NDUFAF6: variants seen among roughly 807,000 people sequenced by gnomAD.
NDUFAF6 encodes the protein NADH:ubiquinone oxidoreductase complex assembly factor 6, also known as NADH dehydrogenase (ubiquinone) complex I, assembly factor 6.
In NDUFAF6, 45 loss-of-function variants were observed where a neutral mutation model predicts 40.8. That is an observed-to-expected ratio of 1.10 (90% CI 0.87 to 1.42). NDUFAF6 has a LOEUF of 1.42. Ranked by LOEUF, NDUFAF6 falls within the 40% of genes most tolerant of loss-of-function variation. The probability of loss-of-function intolerance (pLI) is 0.00; values close to 1 mark genes in which losing one functional copy is unlikely to be tolerated. For missense variants in NDUFAF6, 435 were observed against 418.5 expected (o/e 1.04, Z -0.34); for synonymous variants, 185 against 155.9 (o/e 1.19, Z -1.39).
exon 3 of NDUFAF6, chr8:95,103,054 C>A (rs1316401951): frequency 6.6e-6 from 1 of 152,004 alleles, no homozygotes; most frequent in African/African-American, 2.4e-5. Context: ...TTTTGGTGAC[C>A]CCGATGCAAA....
At chr8:95,036,358 C>T (rs191338519) in intron 3 of NDUFAF6, 38 of 1,289,330 alleles carry the variant, frequency 2.9e-5, no homozygotes, top group Non-Finnish European at 5.1e-6. Flanking sequence ...GACAGTGGTA[C>T]ACCTCTTCTC....
intron 2 of NDUFAF6, among the ~76,000 whole-genome samples, chr8:95,007,916 G>T (rs982842915): frequency 1.3e-5 from 2 of 151,954 alleles, no homozygotes; most frequent in Non-Finnish European, 1.5e-5. Context: ...TAGAGACGGG[G>T]TCTCACTATG....
intron 1 of NDUFAF6, among the ~76,000 whole-genome samples, chr8:94,937,582 G>C (rs551451002): frequency 6.6e-6 from 1 of 152,254 alleles, no homozygotes; most frequent in East Asian, 1.9e-4. Flanking sequence ...TGCAATTCTA[G>C]CCAAGGGTTA....
intron 1 of NDUFAF6, among the ~76,000 whole-genome samples, chr8:94,906,978 TA>T (rs1340508961): frequency 6.6e-6 from 1 of 152,236 alleles, no homozygotes; most frequent in East Asian, 1.9e-4. Context: ...TGTTGGACAG[TA>T]AATGAAAATT....
chr8:95,018,433 C>T (rs1256103021), intron 2 of NDUFAF6, among the ~76,000 whole-genome samples: 1 of 152,136 alleles, frequency 6.6e-6, no homozygotes, highest in Non-Finnish European at 1.5e-5. Flanking sequence ...TTCATTCATT[C>T]ATTCATCCAT....
chr8:94,954,265 G>A (rs1389555830), upstream of NDUFAF6, among the ~76,000 whole-genome samples: 2 of 152,012 alleles, frequency 1.3e-5, no homozygotes, highest in Admixed American at 1.3e-4. Context: ...GTTTCACCAT[G>A]TTGGCCAGGA....
exon 10 of NDUFAF6, chr8:95,075,823 A>C: frequency 1.7e-6 from 1 of 572,222 alleles, no homozygotes; most frequent in Non-Finnish European, 2.9e-6. Context: ...ACACGCACAC[A>C]CTTCTCCTTG....
downstream of NDUFAF6, among the ~76,000 whole-genome samples, chr8:95,060,211 G>A (rs1545480): frequency 0.72 from 108,945 of 152,008 alleles, 39,746 homozygotes; most frequent in East Asian, 0.94. Flanking sequence ...GAAATTTACT[G>A]TACTATTAAT....
chr8:94,998,356 TAA>T, intron 2 of NDUFAF6, among the ~76,000 whole-genome samples: 1 of 151,496 alleles, frequency 6.6e-6, no homozygotes, highest in Non-Finnish European at 1.5e-5. Context: ...TGTATTCTTC[TAA>T]AGTTATTCTC....
intron 9 of NDUFAF6, among the ~76,000 whole-genome samples, chr8:95,064,187 G>A (rs1186933641): frequency 6.6e-6 from 1 of 151,778 alleles, no homozygotes; most frequent in Non-Finnish European, 1.5e-5. Flanking sequence ...CCTGCACCCG[G>A]CCTCTTGTTG....
At chr8:94,923,681 CTTTT>C in intron 1 of NDUFAF6, among the ~76,000 whole-genome samples, 1 of 139,884 alleles carries the variant, frequency 7.1e-6, no homozygotes, top group South Asian at 2.3e-4. Flanking sequence ...CTGAATTTTA[CTTTT>C]TTTTTTTTTT....
intron 2 of NDUFAF6, among the ~76,000 whole-genome samples, chr8:94,951,818 A>G (rs1822647316): frequency 6.6e-6 from 1 of 152,308 alleles, no homozygotes; most frequent in East Asian, 1.9e-4. Context: ...CTGGTATGCC[A>G]CTGGTTTACA....
intron 2 of NDUFAF6, among the ~76,000 whole-genome samples, chr8:95,084,058 G>A (rs1483633758): frequency 6.6e-6 from 1 of 152,160 alleles, no homozygotes; most frequent in Non-Finnish European, 1.5e-5. Context: ...TGGGAATTGT[G>A]TAAGTTTGAT....
chr8:94,941,558 C>G (rs1371731026), intron 1 of NDUFAF6, among the ~76,000 whole-genome samples: 1 of 152,212 alleles, frequency 6.6e-6, no homozygotes, highest in Non-Finnish European at 1.5e-5. Flanking sequence ...GTAAGCACAC[C>G]TGATTACACT....
In NDUFAF6 at chr8:95,057,739, T is replaced by C. The variant is rs572702434; in HGVS notation, c.874-70T>C. 1.4e-3 allele frequency: 1,627 copies of C among 1,186,188 alleles called. 6 individuals carry two copies. The highest frequency in any genetic ancestry group is 3.7e-3 in the South Asian group (273 of 74,100). 73.5% of individuals were successfully genotyped at this position (1,186,188 alleles called of 1,614,324 possible). On this transcript the variant is annotated intron_variant, in intron 8 of 8. Coordinates refer to ENST00000396124, the MANE Select transcript of NDUFAF6 (RefSeq NM_152416.4). ...AGCCTAAATACTTGTAATTATTCTTTAGTTAGTTTTTTTTTTTTTTAAGTC... is the reference window on the plus strand; with the variant it reads ...AGCCTAAATACTTGTAATTATTCTTCAGTTAGTTTTTTTTTTTTTTAAGTC...
chr8:94,989,004 T>C (rs1025213853), intron 2 of NDUFAF6: 1 of 152,220 alleles, frequency 6.6e-6, no homozygotes, highest in African/African-American at 2.4e-5. Context: ...ATAAAGTAGG[T>C]TAGCTAATGG....
chr8:94,909,380 A>AAAAAAAAAAC (rs1818606096), intron 1 of NDUFAF6, among the ~76,000 whole-genome samples: 2 of 57,728 alleles, frequency 3.5e-5, no homozygotes, highest in African/African-American at 1.1e-4. Context: ...AAAAAAAAAA[A>AAAAAAAAAAC]AACACTTCGG....
chr8:94,930,338 G>C (rs1032240280), intron 1 of NDUFAF6: 1 of 1,193,322 alleles, frequency 8.4e-7, no homozygotes. Context: ...TGATTTTCAA[G>C]ATAGTGTCTA....
chr8:94,968,468 T>C (rs1368911713), intron 1 of NDUFAF6, among the ~76,000 whole-genome samples: 2 of 152,164 alleles, frequency 1.3e-5, no homozygotes, highest in Non-Finnish European at 2.9e-5. Flanking sequence ...CAGCAAGCCA[T>C]GTGGGCATCT....
Sources: allele counts gnomAD v4.1 joint callset (sites outside exome capture counted in the v4.1 genomes callset), GRCh38; gene constraint gnomAD v4.1.1; transcripts MANE v1.5; gene names NCBI Gene and HGNC (gene_info 2026-07-23, HGNC 2026-07-21).